The following PTGIS variants were observed in gnomAD, a reference collection of about 807,000 sequenced individuals.
PTGIS encodes the protein prostacyclin synthase.
A neutral mutation model predicts 50.3 loss-of-function variants in PTGIS; 45 were observed. The ratio of observed to expected loss-of-function variants is 0.90; its 90% CI spans 0.70 to 1.15. PTGIS has a LOEUF of 1.15. PTGIS is among the 50% of genes most tolerant of loss of function. PTGIS has a pLI of 0.00. For synonymous variants in PTGIS, 260 were observed against 267.7 expected (o/e 0.97, Z 0.28); for missense variants, 668 against 661.3 (o/e 1.01, Z -0.11).
intron 1 of PTGIS, among the ~76,000 whole-genome samples, chr20:49,554,890 A>G (rs1007365976): frequency 2.6e-5 from 4 of 152,242 alleles, no homozygotes; most frequent in African/African-American, 9.6e-5. Context: ...ATTTGTTTAT[A>G]AGATTTGAGA....
chr20:49,543,962 T>C, intron 4 of PTGIS, among the ~76,000 whole-genome samples: 1 of 152,160 alleles, frequency 6.6e-6, no homozygotes, highest in East Asian at 1.9e-4. Flanking sequence ...AAGGTTAAGG[T>C]CCCAAGTTGA....
At chr20:49,565,017 C>T (rs1982862032) in intron 1 of PTGIS, among the ~76,000 whole-genome samples, 1 of 148,918 alleles carries the variant, frequency 6.7e-6, no homozygotes, top group South Asian at 2.1e-4. Context: ...GTCGCCCAGG[C>T]TGGAGTGCAG....
intron 5 of PTGIS, among the ~76,000 whole-genome samples, chr20:49,524,526 C>T (rs1223836976): frequency 6.6e-6 from 1 of 152,192 alleles, no homozygotes; most frequent in Non-Finnish European, 1.5e-5. Flanking sequence ...CATCACCCGG[C>T]CCGTAGCAGG....
chr20:49,545,914 G>A (rs1428561716), intron 3 of PTGIS, among the ~76,000 whole-genome samples: 3 of 152,044 alleles, frequency 2.0e-5, no homozygotes, highest in African/African-American at 7.3e-5. Flanking sequence ...GAAGTGCCTG[G>A]GTAATCCACC....
chr20:49,509,130 G>A (rs1207587063), intron 9 of PTGIS, among the ~76,000 whole-genome samples: 1 of 152,190 alleles, frequency 6.6e-6, no homozygotes, highest in African/African-American at 2.4e-5. Context: ...ACCCACTCTG[G>A]GTCTCAGTTC....
Position 49,535,603 on chromosome 20 carries a change from T to A in PTGIS, c.673+3967A>T, listed in dbSNP as rs146225282. 5.0e-4 allele frequency among the ~76,000 whole-genome samples: 76 copies of A among 152,316 alleles called. No homozygotes were observed. The East Asian group carries it at 0.014, about 27-fold the overall frequency. ...ATCTTGGCTCACTGTAACCTCTGTC[T>A]CACCAGGCTCAAGTGATCCTCCCAC... On this transcript the variant is annotated intron_variant, in intron 5 of 9. Transcript: ENST00000244043.
intron 3 of PTGIS, among the ~76,000 whole-genome samples, chr20:49,547,372 C>G (rs1423042781): frequency 1.3e-5 from 2 of 152,180 alleles, no homozygotes; most frequent in Non-Finnish European, 2.9e-5. Flanking sequence ...TACTTAGCCT[C>G]CAGCATTGTT....
chr20:49,550,223 A>G, intron 1 of PTGIS, 34 bp from the exon 2 acceptor site: 3 of 1,607,216 alleles, frequency 1.9e-6, no homozygotes, highest in Non-Finnish European at 2.5e-6. Context: ...ACCATTTGAT[A>G]AGGCAAGGAA....
At chr20:49,515,146 T>C (rs1981444379) in intron 6 of PTGIS, among the ~76,000 whole-genome samples, 1 of 152,244 alleles carries the variant, frequency 6.6e-6, no homozygotes, top group Non-Finnish European at 1.5e-5. Flanking sequence ...ATATAATCAT[T>C]CTTGATGTAG....
chr20:49,508,042 G>A lies in PTGIS; in HGVS notation c.1381C>T (p.His461Tyr). 6.2e-7 allele frequency: 1 copy of A among 1,613,940 alleles called. No individual in the cohort carries two copies. Among genetic ancestry groups the A allele is most frequent in the Non-Finnish European group, 8.5e-7 (1 of 1,180,024 alleles). ...IKQFVFLVLV[H>Y]LDLELINADV... is the part of the protein sequence containing the mutation. ...GCGTTGATCAGCTCCAAGTCCAAGT[G>A]CACCAGCACAAGGAACACAAATCTG... Residue 461 changes from histidine (H) to tyrosine (Y), a missense_variant, in exon 10 of 10, where the codon CAC becomes TAC. Coordinates refer to ENST00000244043, the MANE Select transcript of PTGIS (RefSeq NM_000961.4).
At position 49,544,330 on chromosome 20, in the gene PTGIS, C is replaced by T. The variant is rs199526901; in HGVS notation, c.496G>A (p.Asp166Asn). 4.6e-5 allele frequency: 75 copies of T among 1,614,160 alleles called. 1 individual carries two copies. Among genetic ancestry groups the T allele is most frequent in the African/African-American group, 4.5e-4 (34 of 75,052 alleles). Residue 166 changes from aspartate (D) to asparagine (N), a missense_variant, in exon 4 of 10, where the codon GAC (aspartate) becomes AAC (asparagine). Coordinates refer to ENST00000244043, the MANE Select transcript of PTGIS (RefSeq NM_000961.4). The part of the protein sequence containing the change: ...GSGWHEMGLL[D>N]FSYSFLLRAG... The stretch of plus-strand genomic sequence containing the variant: ...CTGAGCAGGAAGCTGTAGGAGAAGT[C>T]GAGGAGACCCATCTCGTGCCAGCCA...
intron 5 of PTGIS, among the ~76,000 whole-genome samples, chr20:49,524,749 G>C (rs1313428099): frequency 2.0e-5 from 3 of 152,096 alleles, no homozygotes; most frequent in Admixed American, 2.0e-4. Context: ...CCAAGCAAAA[G>C]GAGAAACCAC....
chr20:49,539,423 T>C, intron 5 of PTGIS, 147 bp downstream of exon 5: 1 of 988,526 alleles, frequency 1.0e-6, no homozygotes, highest in East Asian at 2.6e-5. Flanking sequence ...CGCTCTTGCA[T>C]ACCCCCAGTG....
rs991245571 is a variant in PTGIS at position 49,533,346 on chromosome 20, C to T, written c.673+6224G>A. 5.9e-5 allele frequency among the ~76,000 whole-genome samples: 9 copies of T among 152,042 alleles called. No individual in the cohort carries two copies. In the South Asian group the frequency reaches 8.3e-4, roughly 14 times the overall value. On this transcript the variant is annotated intron_variant, in intron 5 of 9. Transcript: ENST00000244043. ...AAACAATGTTCAAATAAACAGCCCC[C>T]CAAAATAATCCAGTAAAATAAATGT...
Position 49,568,057 on chromosome 20 carries a change from G to A in PTGIS, c.60C>T (p.Ser20=). The part of the protein sequence containing the change: ...LAALLLLLLL[S]RRRTRRPGEP... ...AGGACACTCACCGCGTGCGGCGGCGGCTCAGTAGCAGCAGCAGCAACAGTG... is the reference window on the plus strand; with the variant it reads ...AGGACACTCACCGCGTGCGGCGGCGACTCAGTAGCAGCAGCAGCAACAGTG... Residue 20 remains serine (S), a synonymous_variant, in exon 1 of 10, where the codon AGC becomes AGT. Transcript: ENST00000244043. The A allele has an allele frequency of 6.8e-7, 1 of 1,481,026 alleles. No individual in the cohort carries two copies. The highest frequency in any genetic ancestry group is 1.3e-5 in the South Asian group (1 of 78,618). 91.7% of individuals were successfully genotyped at this position (1,481,026 alleles called of 1,614,324 possible).
At chr20:49,558,631 C>G (rs1268479353) in intron 1 of PTGIS, among the ~76,000 whole-genome samples, 1 of 151,994 alleles carries the variant, frequency 6.6e-6, no homozygotes, top group African/African-American at 2.4e-5. Context: ...GTGTTCAAAC[C>G]AGAGTGACTC....
intron 5 of PTGIS, among the ~76,000 whole-genome samples, chr20:49,536,052 C>T (rs1982060842): frequency 6.6e-6 from 1 of 152,130 alleles, no homozygotes; most frequent in Non-Finnish European, 1.5e-5. Flanking sequence ...GAAGAATGTA[C>T]AGCTATATTG....
Position 49,548,038 on chromosome 20 carries a change from G to GA in PTGIS, c.199-20dup, listed in dbSNP as rs768859406. On this transcript the variant is annotated intron_variant, in intron 2 of 9. Transcript: ENST00000244043. The stretch of plus-strand genomic sequence containing the variant: ...CCAGTATCTGTGGGAAGTTGCCAGG[G>GA]ATAGAGTGAGGAGTGTCACTGTGAA... The GA allele has an allele frequency of 3.6e-5, 58 of 1,612,164 alleles. 1 individual carries two copies. The South Asian group carries it at 6.4e-4, about 18-fold the overall frequency.
chr20:49,524,689 G>A (rs961865487), intron 5 of PTGIS, among the ~76,000 whole-genome samples: 2 of 152,150 alleles, frequency 1.3e-5, no homozygotes, highest in African/African-American at 4.8e-5. Context: ...TAATCATAGT[G>A]GAAGGTGAAA....
Sources: allele counts gnomAD v4.1 joint callset (sites outside exome capture counted in the v4.1 genomes callset), GRCh38; gene constraint gnomAD v4.1.1; transcripts MANE v1.5; gene names NCBI Gene and HGNC (gene_info 2026-07-23, HGNC 2026-07-21).